The following METTL5 variants were observed in gnomAD, a reference collection of about 807,000 sequenced individuals.
METTL5 encodes rRNA N(6)-adenosine-methyltransferase METTL5.
In METTL5, 28 loss-of-function variants were observed where a neutral mutation model predicts 26.5. The observed-to-expected ratio is 1.06, with a 90% CI of 0.78 to 1.45. The LOEUF (loss-of-function observed/expected upper bound fraction) is 1.45, where lower values mean the gene tolerates loss of function less well. Among genes scored for constraint, METTL5 ranks in the 40% most tolerant of loss-of-function variants. METTL5 has a pLI of 0.00. For missense variants in METTL5, 231 were observed against 249.9 expected (o/e 0.92, Z 0.51); for synonymous variants, 86 against 82.6 (o/e 1.04, Z -0.22).
At chr2:169,813,742 G>A (rs1488028758) in intron 5 of METTL5, among the ~76,000 whole-genome samples, 1 of 151,616 alleles carries the variant, frequency 6.6e-6, no homozygotes, top group African/African-American at 2.4e-5. Flanking sequence ...TGCGCCTGTA[G>A]TCCCAGCTAG....
intron 2 of METTL5, 70 bp from the exon 3 acceptor site, chr2:169,821,343 C>CTT: frequency 9.0e-7 from 1 of 1,109,152 alleles, no homozygotes; most frequent in Non-Finnish European, 1.3e-6. Context: ...CCAAAATTAG[C>CTT]TGTTTTTTTT....
Position 169,811,897 on chromosome 2 carries a change from C to T in METTL5, c.592-39G>A, listed in dbSNP as rs771196562. On this transcript the variant is annotated intron_variant, in intron 6 of 6. Transcript: ENST00000260953. ...AAAATTTTTTTGTTGTTTAACTTGT[C>T]TTTTTGTTATGCAAATGAGATTTCT... 6.2e-6 allele frequency: 10 copies of T among 1,600,616 alleles called. No individual in the cohort carries two copies. In the South Asian group the frequency reaches 1.1e-4, roughly 18 times the overall value.
intron 5 of METTL5, among the ~76,000 whole-genome samples, chr2:169,814,630 A>C (rs1690088103): frequency 6.8e-6 from 1 of 147,908 alleles, no homozygotes; most frequent in Middle Eastern, 3.2e-3. Context: ...GCTAGAGAGC[A>C]GTGGCGCGAT....
rs768611012 is a variant in METTL5 at position 169,811,877 on chromosome 2, T to C, written c.592-19A>G. The C allele has an allele frequency of 1.7e-5, 27 of 1,611,912 alleles. 1 individual carries two copies. The Admixed American group carries it at 4.4e-4, about 26-fold the overall frequency. On this transcript the variant is annotated intron_variant, in intron 6 of 6. Coordinates refer to ENST00000260953, the MANE Select transcript of METTL5 (RefSeq NM_014168.4). ...TGTCCACCTGTGAGAAAGGAAAAAT[T>C]TTTTTGTTGTTTAACTTGTCTTTTT...
rs527315305 is a variant in METTL5, at chr2:169,815,718, G to A, written c.490-190C>T. ...TCAATTTCAATACATTTAACAATCT[G>A]AACCAAATCACACAATAAATCCAAG... On this transcript the variant is annotated intron_variant, in intron 4 of 6. Transcript: ENST00000260953. Among the ~76,000 whole-genome samples the A allele has an allele frequency of 9.2e-5, 14 of 152,244 alleles. No homozygotes were observed. In the South Asian group the frequency reaches 2.9e-3, roughly 32 times the overall value.
chr2:169,816,432 G>A (rs1443383849), intron 4 of METTL5, among the ~76,000 whole-genome samples: 1 of 152,060 alleles, frequency 6.6e-6, no homozygotes, highest in Non-Finnish European at 1.5e-5. Flanking sequence ...TTTCTTCACA[G>A]AATTGGAAAA....
chr2:169,815,302 G>T (rs1303895986), intron 5 of METTL5, among the ~76,000 whole-genome samples, 175 bp downstream of exon 5: 1 of 152,178 alleles, frequency 6.6e-6, no homozygotes, highest in Non-Finnish European at 1.5e-5. Flanking sequence ...CATAAATTAG[G>T]ACAGTCTCAG....
At chr2:169,821,364 T>C in intron 2 of METTL5, 91 bp from the exon 3 acceptor site, 1 of 944,632 alleles carries the variant, frequency 1.1e-6, no homozygotes, top group South Asian at 1.8e-5. Flanking sequence ...TTAAACCATA[T>C]ATCTTTTTAA....
chr2:169,815,832 G>T (rs947883307), intron 4 of METTL5, among the ~76,000 whole-genome samples: 1 of 152,190 alleles, frequency 6.6e-6, no homozygotes, highest in African/African-American at 2.4e-5. Flanking sequence ...AATTATAAAT[G>T]GAGCTGAAAA....
intron 5 of METTL5, among the ~76,000 whole-genome samples, chr2:169,815,144 T>A (rs533021148): frequency 6.7e-6 from 1 of 148,416 alleles, no homozygotes; most frequent in Non-Finnish European, 1.5e-5. Flanking sequence ...CTGCCCACCT[T>A]GGCCTCCCAA....
chr2:169,812,479 T>C lies in METTL5; in HGVS notation c.569A>G (p.Tyr190Cys). The change falls in exon 6 of 7, where the codon TAC becomes TGC. Residue 190 changes from tyrosine to cysteine, a missense_variant. Coordinates refer to ENST00000260953, the MANE Select transcript of METTL5 (RefSeq NM_014168.4). The part of the protein sequence containing the change: ...AELRYDLPAS[Y>C]KFHKKKSVDI... Reference sequence around the variant, plus strand: ...TACTGATTTCTTTTTGTGAAACTTGTATGATGCTGGCAGGTCATATCGAAG... The same window carrying C: ...TACTGATTTCTTTTTGTGAAACTTGCATGATGCTGGCAGGTCATATCGAAG... 3.1e-6 allele frequency: 5 copies of C among 1,614,140 alleles called. No homozygotes were observed. Among genetic ancestry groups the C allele is most frequent in the Non-Finnish European group, 3.4e-6 (4 of 1,180,018 alleles).
chr2:169,823,621 A>T (rs2081612446), intron 1 of METTL5, among the ~76,000 whole-genome samples: 1 of 152,120 alleles, frequency 6.6e-6, no homozygotes, highest in Non-Finnish European at 1.5e-5. Flanking sequence ...GGAGTCTGAG[A>T]CCATCTTGGG....
At chr2:169,811,917 ATT>A (rs1441066790) in intron 6 of METTL5, 59 bp from the exon 7 acceptor site, 3 of 1,540,458 alleles carry the variant, frequency 1.9e-6, no homozygotes, top group Admixed American at 1.7e-5. Flanking sequence ...TGCAAATGAG[ATT>A]TCTTTGAATG....
chr2:169,821,076 G>T lies in METTL5; in HGVS notation c.406+16C>A, dbSNP rs747722082. ...TTTCTATAAATATACCAATATACCC[G>T]ATTCTTGTTACAAACCTTTATTATT... On this transcript the variant is annotated intron_variant, in intron 3 of 6. Coordinates refer to ENST00000260953, the MANE Select transcript of METTL5 (RefSeq NM_014168.4). 15 of 1,559,498 alleles carry T rather than the reference G, an allele frequency of 9.6e-6. No individual in the cohort carries two copies. The highest frequency in any genetic ancestry group is 3.6e-5 in the South Asian group (3 of 82,334).
At chr2:169,815,804 ATT>A (rs1223246829) in intron 4 of METTL5, among the ~76,000 whole-genome samples, 1 of 152,234 alleles carries the variant, frequency 6.6e-6, no homozygotes, top group African/African-American at 2.4e-5. Flanking sequence ...GACTGCATAT[ATT>A]TTGGTAGTCC....
chr2:169,819,473 G>A (rs2081554152), intron 4 of METTL5, 88 bp downstream of exon 4: 1 of 911,598 alleles, frequency 1.1e-6, no homozygotes, highest in Non-Finnish European at 1.7e-6. Flanking sequence ...AATAGATACT[G>A]TGGTATCTAG....
intron 1 of METTL5, 88 bp from the exon 2 acceptor site, chr2:169,822,145 G>A: frequency 6.7e-7 from 1 of 1,489,058 alleles, no homozygotes; most frequent in Non-Finnish European, 8.9e-7. Context: ...ATAATTTCTT[G>A]TGTTGCATTA....
At chr2:169,824,395 G>C in intron 1 of METTL5, 94 bp downstream of exon 1, 3 of 1,027,062 alleles carry the variant, frequency 2.9e-6, no homozygotes, top group South Asian at 2.7e-5. Context: ...AATTTCTCTA[G>C]ACATTCTCTG....
chr2:169,822,047 G>A lies in METTL5; in HGVS notation c.120C>T (p.Leu40=), dbSNP rs1199515316. Reference sequence around the variant, plus strand: ...CATCATAAGTGTTATGGATTGTATAGAGCATACATGCTAAAAAATAAAAAA... The same window carrying A: ...CATCATAAGTGTTATGGATTGTATAAAGCATACATGCTAAAAAATAAAAAA... ...PTRPHIAACM[L]YTIHNTYDDI... is the part of the protein sequence containing the mutation. Residue 40 remains leucine, a synonymous_variant, in exon 2 of 7, where the codon CTC becomes CTT. Transcript: ENST00000260953. The A allele has an allele frequency of 2.5e-6, 4 of 1,599,186 alleles. No homozygotes were observed. The African/African-American group carries it at 5.4e-5, about 22-fold the overall frequency.
Sources: gnomAD v4.1 joint callset for allele counts (sites outside exome capture counted in the v4.1 genomes callset) on GRCh38, gnomAD v4.1.1 for gene constraint, MANE v1.5 for transcripts, NCBI Gene and HGNC (gene_info 2026-07-23, HGNC 2026-07-21) for gene names.